The following MYO5B variants were observed in gnomAD, a reference collection of about 807,000 sequenced individuals.
The protein encoded by MYO5B is myosin VB.
A neutral mutation model predicts 229.3 loss-of-function variants in MYO5B; 143 were observed. The observed-to-expected ratio is 0.62, with a 90% CI of 0.54 to 0.72. The LOEUF (loss-of-function observed/expected upper bound fraction) is 0.72. Ranked by LOEUF, MYO5B falls within the 30% of genes least tolerant of loss-of-function variation. The pLI, the probability that MYO5B is intolerant of heterozygous loss-of-function variation, is 0.00. For synonymous variants in MYO5B, 918 were observed against 885.2 expected, an observed-to-expected ratio of 1.04 and a Z score of -0.66; for missense variants, 2,321 against 2,331.0, an observed-to-expected ratio of 1.00 and a Z score of 0.09.
At chr18:50,193,755 T>C (rs1251077410) in intron 1 of MYO5B, among the ~76,000 whole-genome samples, 2 of 152,208 alleles carry the variant, frequency 1.3e-5, no homozygotes, top group Non-Finnish European at 2.9e-5. Flanking sequence ...CAAAACTTGT[T>C]TTCTTAAAGG....
At chr18:49,865,320 C>G (rs1034176050) in intron 27 of MYO5B, among the ~76,000 whole-genome samples, 15 of 152,098 alleles carry the variant, frequency 9.9e-5, no homozygotes, top group African/African-American at 3.4e-4. Context: ...TCCAGGGCGC[C>G]CCTGTGACTC....
intron 9 of MYO5B, among the ~76,000 whole-genome samples, 167 bp from the exon 10 acceptor site, chr18:49,974,782 CACACACACACACACAG>C (rs1291701899): frequency 1.7e-5 from 2 of 119,572 alleles, no homozygotes; most frequent in Non-Finnish European, 1.8e-5. Flanking sequence ...GTCTCTCTCA[CACACACACACACACAG>C]ACACACACAC....
chr18:50,105,249 A>AAATAAATAAATAAAT (rs151090358), intron 1 of MYO5B, among the ~76,000 whole-genome samples: 361 of 141,358 alleles, frequency 2.6e-3, no homozygotes, highest in East Asian at 7.0e-3. Flanking sequence ...ATAAATAAAT[A>AAATAAATAAATAAAT]AAAAATAGAT....
At chr18:50,028,749 T>TG (rs1241612698) in intron 4 of MYO5B, among the ~76,000 whole-genome samples, 1 of 152,252 alleles carries the variant, frequency 6.6e-6, no homozygotes, top group Non-Finnish European at 1.5e-5. Context: ...CACAGTATCC[T>TG]GCACAACTAA....
At chr18:50,046,548 G>C (rs951144298) in intron 2 of MYO5B, among the ~76,000 whole-genome samples, 2 of 152,144 alleles carry the variant, frequency 1.3e-5, no homozygotes, top group Non-Finnish European at 2.9e-5. Context: ...TTTCTCATTT[G>C]TCAAATTACA....
At chr18:50,089,809 T>A (rs990954970) in intron 1 of MYO5B, among the ~76,000 whole-genome samples, 4 of 152,158 alleles carry the variant, frequency 2.6e-5, no homozygotes, top group Non-Finnish European at 5.9e-5. Context: ...TCCCTGGGCC[T>A]TTGTGCCCTT....
Position 49,980,513 on chromosome 18 carries a change from A to T in MYO5B, c.987T>A (p.Ile329=), listed in dbSNP as rs1285702626. The T allele has an allele frequency of 1.2e-6, 2 of 1,613,880 alleles. No individual in the cohort carries two copies. The highest frequency in any genetic ancestry group is 2.7e-5 in the African/African-American group (2 of 74,914). ...ESHQMSIFKI[I]ASILHLGSVA... is the part of the protein sequence containing the mutation. ...CACTTCCAAGGTGCAAGATAGAAGC[A>T]ATTATCTTAAAAATGCTCATCTGAT... Residue 329 remains isoleucine (I), a synonymous_variant, in exon 9 of 40, where the codon ATT becomes ATA. Coordinates refer to ENST00000285039, the MANE Select transcript of MYO5B (RefSeq NM_001080467.3).
intron 24 of MYO5B, among the ~76,000 whole-genome samples, chr18:49,878,474 C>T (rs2144104091): frequency 6.6e-6 from 1 of 152,166 alleles, no homozygotes; most frequent in Non-Finnish European, 1.5e-5. Context: ...TTTGAATACT[C>T]ATTTCTGGAG....
At chr18:50,165,532 T>C (rs1304117348) in intron 1 of MYO5B, among the ~76,000 whole-genome samples, 1 of 152,074 alleles carries the variant, frequency 6.6e-6, no homozygotes, top group Non-Finnish European at 1.5e-5. Flanking sequence ...TCCCATGACT[T>C]TGGGAGGCCA....
chr18:49,914,710 G>A (rs1024962445), intron 17 of MYO5B, among the ~76,000 whole-genome samples: 4 of 151,082 alleles, frequency 2.6e-5, no homozygotes, highest in Non-Finnish European at 4.4e-5. Flanking sequence ...AAACCAGGAG[G>A]TGGAGGCTGC....
chr18:49,990,144 G>A (rs759940701), intron 7 of MYO5B, among the ~76,000 whole-genome samples: 5 of 152,322 alleles, frequency 3.3e-5, no homozygotes, highest in Middle Eastern at 3.4e-3. Flanking sequence ...TGCTTAAAGT[G>A]CAAACATATC....
At position 50,122,432 on chromosome 18, in the gene MYO5B, T is replaced by C. The variant is rs1269578073; in HGVS notation, c.28-67054A>G. ...GCCTGGCCAACATGGTGAAACCCTG[T>C]CTCAACTAAAAAAAAAAAAAAAAAA... On this transcript the variant is annotated intron_variant, in intron 1 of 39. Transcript: ENST00000285039. Among the ~76,000 whole-genome samples, 6 of 18,442 alleles carry C rather than the reference T, an allele frequency of 3.3e-4. 1 individual carries two copies. The highest frequency in any genetic ancestry group is 2.2e-4 in the Non-Finnish European group (2 of 9,078). 12.1% of individuals were successfully genotyped at this position (18,442 alleles called of 152,430 possible).
At chr18:50,034,680 G>T (rs1223102937) in intron 4 of MYO5B, among the ~76,000 whole-genome samples, 1 of 152,054 alleles carries the variant, frequency 6.6e-6, no homozygotes, top group African/African-American at 2.4e-5. Flanking sequence ...GGGGGCGGAG[G>T]TTGCAGTGAG....
chr18:49,925,355 C>T (rs1418252769), intron 17 of MYO5B, among the ~76,000 whole-genome samples: 1 of 152,218 alleles, frequency 6.6e-6, no homozygotes, highest in African/African-American at 2.4e-5. Flanking sequence ...TGAACCAAAC[C>T]ATTGTATATC....
At chr18:50,050,323 T>C (rs550162718) in intron 2 of MYO5B, among the ~76,000 whole-genome samples, 55 of 152,296 alleles carry the variant, frequency 3.6e-4, no homozygotes, top group African/African-American at 1.2e-3. Context: ...TAAGTTGCAC[T>C]GAGTACACAA....
intron 1 of MYO5B, among the ~76,000 whole-genome samples, chr18:50,060,050 G>C (rs747481251): frequency 1.3e-5 from 2 of 152,154 alleles, no homozygotes; most frequent in African/African-American, 2.4e-5. Context: ...GATTCGGAGG[G>C]GAAGGGTTTC....
chr18:49,929,464 G>T, intron 17 of MYO5B, 48 bp downstream of exon 17: 1 of 1,510,810 alleles, frequency 6.6e-7, no homozygotes, highest in Non-Finnish European at 9.0e-7. Context: ...CCAAACTCTG[G>T]CTGCTCTAGG....
chr18:49,920,697 A>AG (rs2025064292), intron 17 of MYO5B, among the ~76,000 whole-genome samples: 1 of 152,188 alleles, frequency 6.6e-6, no homozygotes, highest in South Asian at 2.1e-4. Context: ...TAGTTTACCC[A>AG]GGGGGCAACA....
At position 49,843,222 on chromosome 18, in the gene MYO5B, T is replaced by A; in HGVS notation, c.4611+19A>T. The A allele has an allele frequency of 6.2e-7, 1 of 1,613,286 alleles. No homozygotes were observed. Among genetic ancestry groups the A allele is most frequent in the South Asian group, 1.1e-5 (1 of 91,014 alleles). ...ACTCTACCCACCACAAACCATGACC[T>A]TCTGCAGGGGCTGCTTACTTTCAGG... On this transcript the variant is annotated intron_variant, in intron 34 of 39. Transcript: ENST00000285039.
Sources: allele counts gnomAD v4.1 joint callset (sites outside exome capture counted in the v4.1 genomes callset), GRCh38; gene constraint gnomAD v4.1.1; transcripts MANE v1.5; gene names NCBI Gene and HGNC (gene_info 2026-07-23, HGNC 2026-07-21).